Variants in TMEM132C observed in about 807,000 individuals in gnomAD.
TMEM132C encodes protein phosphatase 1, regulatory subunit 152.
TMEM132C carries 29 observed loss-of-function variants against 61.4 expected under a neutral mutation model. That is an observed-to-expected ratio of 0.47 (90% confidence interval 0.35 to 0.64). The LOEUF (loss-of-function observed/expected upper bound fraction) is 0.64. Ranked by LOEUF, TMEM132C falls within the 30% of genes least tolerant of loss-of-function variation. The pLI, the probability that TMEM132C is intolerant of heterozygous loss-of-function variation, is 0.00. For missense variants in TMEM132C, 1,408 were observed against 1,476.9 expected, an observed-to-expected ratio of 0.95 and a Z score of 0.76; for synonymous variants, 656 against 633.1, an observed-to-expected ratio of 1.04 and a Z score of -0.54.
Position 128,706,254 on chromosome 12 carries a change from G to GGC in TMEM132C, c.3286_3287insGC (p.Glu1096GlyfsTer18). 1 of 1,550,492 alleles carries GGC rather than the reference G, an allele frequency of 6.4e-7. No individual in the cohort carries two copies. The highest frequency in any genetic ancestry group is 1.2e-5 in the South Asian group (1 of 83,906). On this transcript the variant is annotated frameshift_variant, in exon 9 of 9. Coordinates refer to ENST00000435159, the MANE Select transcript of TMEM132C (RefSeq NM_001136103.3). LOFTEE classifies it low-confidence loss of function (END_TRUNC). ...AGACGTGGCTGTGGGTGCCCCCAAGGAACTTAGAAACTATCTGGAGAAACT... is the reference window on the plus strand; with the variant it reads ...AGACGTGGCTGTGGGTGCCCCCAAGGGCAACTTAGAAACTATCTGGAGAAACT...
Position 128,610,557 on chromosome 12 carries a change from G to A in TMEM132C, c.1122-5595G>A, listed in dbSNP as rs1004343528. Among the ~76,000 whole-genome samples the A allele has an allele frequency of 7.2e-5, 11 of 152,178 alleles. 1 individual carries two copies. Among genetic ancestry groups the A allele is most frequent in the Admixed American group, 2.6e-4 (4 of 15,286 alleles). ...GAAATCTACACTATTGATTTATCAA[G>A]TGATAGTTCTTGGGTGCTCTCTGGA... is the stretch of plus-strand genomic sequence containing the variant. On this transcript the variant is annotated intron_variant, in intron 3 of 8. Coordinates refer to ENST00000435159, the MANE Select transcript of TMEM132C (RefSeq NM_001136103.3).
chr12:128,327,558 T>C (rs1357345506), intron 1 of TMEM132C, among the ~76,000 whole-genome samples: 2 of 152,064 alleles, frequency 1.3e-5, no homozygotes, highest in African/African-American at 4.8e-5. Context: ...AATTTTTTTA[T>C]ATTTTTAGTA....
chr12:128,324,244 G>A (rs372685592), intron 1 of TMEM132C, among the ~76,000 whole-genome samples: 1 of 152,250 alleles, frequency 6.6e-6, no homozygotes, highest in East Asian at 1.9e-4. Context: ...AAATTAAACA[G>A]GGGAATGCTT....
At chr12:128,389,486 C>A (rs1196726130) in intron 1 of TMEM132C, among the ~76,000 whole-genome samples, 1 of 152,142 alleles carries the variant, frequency 6.6e-6, no homozygotes, top group Non-Finnish European at 1.5e-5. Flanking sequence ...ACACCGCATG[C>A]CTGCATTCTG....
chr12:128,618,946 G>T (rs1205304301), intron 4 of TMEM132C, among the ~76,000 whole-genome samples: 1 of 152,208 alleles, frequency 6.6e-6, no homozygotes, highest in Non-Finnish European at 1.5e-5. Flanking sequence ...AATAGATGAG[G>T]CAATTTAGAG....
chr12:128,477,067 G>A (rs1871175173), intron 2 of TMEM132C, among the ~76,000 whole-genome samples: 2 of 152,160 alleles, frequency 1.3e-5, no homozygotes. Flanking sequence ...AGCTACTGCT[G>A]TGTAACAGAC....
intron 2 of TMEM132C, among the ~76,000 whole-genome samples, chr12:128,521,268 G>C (rs1454018553): frequency 6.6e-6 from 1 of 151,988 alleles, no homozygotes; most frequent in Admixed American, 6.6e-5. Flanking sequence ...TGGTCAGGAA[G>C]TGGCTTCTGA....
At chr12:128,442,540 G>T (rs1415095287) in intron 2 of TMEM132C, among the ~76,000 whole-genome samples, 3 of 149,638 alleles carry the variant, frequency 2.0e-5, no homozygotes, top group Non-Finnish European at 4.4e-5. Context: ...AAAATTAAAA[G>T]AATTTTAATT....
Position 128,415,177 on chromosome 12 carries a change from A to C in TMEM132C, c.531A>C (p.Glu177Asp), listed in dbSNP as rs1216687948. ...GCCTGAGGGTCTTTGCTTTCCGAGAAACCAGAGAGGTGCGGGGCAGCTGCC... is the reference window on the plus strand; with the variant it reads ...GCCTGAGGGTCTTTGCTTTCCGAGACACCAGAGAGGTGCGGGGCAGCTGCC... ...LPCLRVFAFRETREVRGSCRL... is the reference protein window; with the variant it reads ...LPCLRVFAFRDTREVRGSCRL... The change falls in exon 2 of 9, where the codon GAA (glutamate) becomes GAC (aspartate). Residue 177 changes from glutamate to aspartate, a missense_variant. Physicochemically the swap from Glu to Asp is conservative, Grantham distance 45. Transcript: ENST00000435159. The surrounding 1 kb of genome is among the most constrained non-coding windows in gnomAD (Gnocchi z 5.8). 1 of 1,610,830 alleles carries C rather than the reference A, an allele frequency of 6.2e-7. No homozygotes were observed. Among genetic ancestry groups the C allele is most frequent in the Admixed American group, 1.7e-5 (1 of 59,760 alleles).
At chr12:128,353,508 C>A (rs1055455144) in intron 1 of TMEM132C, among the ~76,000 whole-genome samples, 3 of 152,330 alleles carry the variant, frequency 2.0e-5, no homozygotes, top group African/African-American at 7.2e-5. Context: ...GTTTTCTTAG[C>A]AAAGCTGAGG....
At chr12:128,425,615 G>A (rs145099256) in intron 2 of TMEM132C, among the ~76,000 whole-genome samples, 31 of 152,290 alleles carry the variant, frequency 2.0e-4, no homozygotes, top group Admixed American at 3.9e-4. Context: ...GTTCTCTCAC[G>A]TTTCTAGAGG....
chr12:128,682,881 G>T (rs1954646665), intron 5 of TMEM132C, among the ~76,000 whole-genome samples: 2 of 152,200 alleles, frequency 1.3e-5, no homozygotes, highest in Non-Finnish European at 2.9e-5. Context: ...AACGGCTGCT[G>T]GCGGACACCT....
chr12:128,354,719 A>G (rs1873446067), intron 1 of TMEM132C, among the ~76,000 whole-genome samples: 1 of 152,174 alleles, frequency 6.6e-6, no homozygotes, highest in Non-Finnish European at 1.5e-5. Flanking sequence ...TTTACACTTT[A>G]CCTGCAGACA....
rs1397935630 is a variant in TMEM132C at position 128,638,985 on chromosome 12, G to GAT, written c.1305+22650_1305+22651insAT. ...TGATGGTGGTGATGGTGATGATGGTGGTGATGGTGATGGTGGTGATGATGA... is the reference window on the plus strand; with the variant it reads ...TGATGGTGGTGATGGTGATGATGGTGATGTGATGGTGATGGTGGTGATGATGA... On this transcript the variant is annotated intron_variant, in intron 4 of 8. Coordinates refer to ENST00000435159, the MANE Select transcript of TMEM132C (RefSeq NM_001136103.3). Among the ~76,000 whole-genome samples the GAT allele has an allele frequency of 1.1e-3, 169 of 149,210 alleles. 1 individual carries two copies. Among genetic ancestry groups the GAT allele is most frequent in the African/African-American group, 3.9e-3 (159 of 40,334 alleles).
Position 128,392,958 on chromosome 12 carries a change from C to T in TMEM132C, c.86-21774C>T, listed in dbSNP as rs540432722. On this transcript the variant is annotated intron_variant, in intron 1 of 8. Transcript: ENST00000435159. ...CTAAAAGCTGCATGATGGTCTCTAA[C>T]CTGAGGCATAGATGTATCAAGGTGC... Among the ~76,000 whole-genome samples the T allele has an allele frequency of 5.9e-5, 9 of 152,308 alleles. No homozygotes were observed. The South Asian group carries it at 1.7e-3, about 28-fold the overall frequency.
chr12:128,436,189 A>G (rs916373153), intron 2 of TMEM132C, among the ~76,000 whole-genome samples: 1 of 152,216 alleles, frequency 6.6e-6, no homozygotes, highest in Admixed American at 6.5e-5. Flanking sequence ...CTAAAACCAT[A>G]AAAACCCTAG....
chr12:128,421,404 T>G (rs1317074738), intron 2 of TMEM132C, among the ~76,000 whole-genome samples: 1 of 152,234 alleles, frequency 6.6e-6, no homozygotes, highest in Non-Finnish European at 1.5e-5. Context: ...ATCTTTTCTA[T>G]TGGGAAATTC....
At chr12:128,503,114 T>C (rs1872236981) in intron 2 of TMEM132C, among the ~76,000 whole-genome samples, 1 of 152,238 alleles carries the variant, frequency 6.6e-6, no homozygotes. Context: ...TCTCAAGGCC[T>C]TACTTTCGAT....
At chr12:128,659,488 G>A (rs1954362632) in intron 4 of TMEM132C, among the ~76,000 whole-genome samples, 1 of 152,218 alleles carries the variant, frequency 6.6e-6, no homozygotes, top group Admixed American at 6.5e-5. Flanking sequence ...CTTTTGGTCT[G>A]CAGTCAGCTC....
Sources: allele counts gnomAD v4.1 joint callset (sites outside exome capture counted in the v4.1 genomes callset), GRCh38; gene constraint gnomAD v4.1.1; non-coding constraint Gnocchi (gnomAD v3.1); transcripts MANE v1.5; gene names NCBI Gene and HGNC (gene_info 2026-07-23, HGNC 2026-07-21).